The following LRMDA variants were observed in gnomAD, a reference collection of about 807,000 sequenced individuals.
LRMDA encodes leucine rich melanocyte differentiation associated.
LRMDA carries 18 observed loss-of-function variants against 29.8 expected under a neutral mutation model. The ratio of observed to expected loss-of-function variants is 0.60; its 90% CI spans 0.42 to 0.90. LRMDA has a LOEUF of 0.90. Ranked by LOEUF, LRMDA falls within the 40% of genes least tolerant of loss-of-function variation. The pLI, the probability that LRMDA is intolerant of heterozygous loss-of-function variation, is 0.00. For missense variants in LRMDA, 273 were observed against 273.9 expected, an observed-to-expected ratio of 1.00 and a Z score of 0.02; for synonymous variants, 125 against 109.4, an observed-to-expected ratio of 1.14 and a Z score of -0.89.
chr10:75,759,385 T>C (rs1297801468), intron 2 of LRMDA, among the ~76,000 whole-genome samples: 1 of 152,224 alleles, frequency 6.6e-6, no homozygotes, highest in African/African-American at 2.4e-5. Flanking sequence ...ACTTATACTC[T>C]ATAGACCCAT....
intron 2 of LRMDA, among the ~76,000 whole-genome samples, chr10:75,684,072 G>C (rs1445165087): frequency 6.6e-6 from 1 of 152,150 alleles, no homozygotes; most frequent in Non-Finnish European, 1.5e-5. Context: ...AGAAATCAGT[G>C]GATGTTTTGC....
chr10:75,898,446 C>T (rs949961457), intron 2 of LRMDA, among the ~76,000 whole-genome samples: 1 of 152,106 alleles, frequency 6.6e-6, no homozygotes, highest in African/African-American at 2.4e-5. Context: ...TCCTCACCAG[C>T]TCTCTGTCTT....
At chr10:76,134,977 G>C (rs568358434) in intron 5 of LRMDA, among the ~76,000 whole-genome samples, 34 of 152,220 alleles carry the variant, frequency 2.2e-4, no homozygotes, top group African/African-American at 8.2e-4. Context: ...ATATTTCTGC[G>C]GCCTTTGAAA....
chr10:76,291,603 T>C (rs1404269025), intron 5 of LRMDA, among the ~76,000 whole-genome samples: 1 of 152,186 alleles, frequency 6.6e-6, no homozygotes, highest in African/African-American at 2.4e-5. Context: ...AGGTGAACGT[T>C]TGCATACTTA....
intron 6 of LRMDA, among the ~76,000 whole-genome samples, chr10:76,428,348 T>C (rs2132280360): frequency 6.6e-6 from 1 of 152,288 alleles, no homozygotes; most frequent in Middle Eastern, 3.4e-3. Flanking sequence ...AGACTAGGTG[T>C]CCAGACCTTC....
At chr10:75,820,567 A>C (rs1348070011) in intron 2 of LRMDA, among the ~76,000 whole-genome samples, 1 of 152,334 alleles carries the variant, frequency 6.6e-6, no homozygotes, top group East Asian at 1.9e-4. Context: ...AAAGATCTCA[A>C]ATTAACAACC....
chr10:76,034,125 G>C (rs986505777), intron 2 of LRMDA, among the ~76,000 whole-genome samples: 3 of 152,216 alleles, frequency 2.0e-5, no homozygotes, highest in Non-Finnish European at 2.9e-5. Flanking sequence ...AGGAAATAGA[G>C]GAGCGGAGGC....
At chr10:76,004,565 G>A (rs1054960193) in intron 2 of LRMDA, among the ~76,000 whole-genome samples, 7 of 152,150 alleles carry the variant, frequency 4.6e-5, no homozygotes, top group African/African-American at 1.7e-4. Flanking sequence ...CCACAGACTG[G>A]CCACCCCCAG....
chr10:75,608,129 T>TATAC (rs11271217), intron 2 of LRMDA, among the ~76,000 whole-genome samples: 2 of 89,548 alleles, frequency 2.2e-5, no homozygotes, highest in African/African-American at 6.3e-5. Flanking sequence ...TATATATATA[T>TATAC]ACACACACAT....
intron 2 of LRMDA, among the ~76,000 whole-genome samples, chr10:75,959,603 G>T (rs1846727178): frequency 6.6e-6 from 1 of 152,040 alleles, no homozygotes; most frequent in Admixed American, 6.6e-5. Flanking sequence ...ACAATATTGA[G>T]AACTCAGCTA....
chr10:76,377,741 C>T lies in LRMDA; in HGVS notation c.601+53256C>T, dbSNP rs144435147. Among the ~76,000 whole-genome samples, 68 of 152,270 alleles carry T rather than the reference C, an allele frequency of 4.5e-4. 1 individual carries two copies. The East Asian group carries it at 0.012, about 28-fold the overall frequency. On this transcript the variant is annotated intron_variant, in intron 6 of 6. Transcript: ENST00000611255. ...TGTTCTGTTGCATTGATTGATGTGT[C>T]TATTTTTATACCAATATCAGACTGT...
At chr10:75,736,101 T>A (rs1475537632) in intron 2 of LRMDA, among the ~76,000 whole-genome samples, 1 of 152,176 alleles carries the variant, frequency 6.6e-6, no homozygotes, top group Non-Finnish European at 1.5e-5. Flanking sequence ...GCAGAACATT[T>A]GGCACTTTGC....
At chr10:75,527,020 C>T (rs553268993) in intron 2 of LRMDA, among the ~76,000 whole-genome samples, 2 of 152,296 alleles carry the variant, frequency 1.3e-5, no homozygotes, top group East Asian at 3.9e-4. Flanking sequence ...ATGCATTAAG[C>T]ATCACTCCCC....
At chr10:75,485,598 T>A (rs1023805522) in intron 2 of LRMDA, among the ~76,000 whole-genome samples, 4 of 151,528 alleles carry the variant, frequency 2.6e-5, no homozygotes, top group Non-Finnish European at 5.9e-5. Context: ...ATATACATAT[T>A]TTGAGATGGA....
intron 6 of LRMDA, among the ~76,000 whole-genome samples, chr10:76,470,785 G>A (rs766761019): frequency 6.6e-6 from 1 of 151,676 alleles, no homozygotes; most frequent in Non-Finnish European, 1.5e-5. Context: ...AGAAGAGTAG[G>A]CAGTTATAGT....
intron 5 of LRMDA, among the ~76,000 whole-genome samples, chr10:76,137,660 G>A (rs78698810): frequency 0.012 from 1,773 of 151,890 alleles, 16 homozygotes; most frequent in Non-Finnish European, 0.018. Context: ...TTATGCTATA[G>A]CCAGATGTCA....
chr10:75,577,135 C>G (rs1345903734), intron 2 of LRMDA, among the ~76,000 whole-genome samples: 4 of 152,020 alleles, frequency 2.6e-5, no homozygotes, highest in African/African-American at 9.7e-5. Context: ...AAGCTAAGAC[C>G]CTTGAGAAAA....
Position 76,324,455 on chromosome 10 carries a change from T to A in LRMDA, c.571T>A (p.Ser191Thr). 6.2e-7 allele frequency: 1 copy of A among 1,614,114 alleles called. No individual in the cohort carries two copies. Among genetic ancestry groups the A allele is most frequent in the Non-Finnish European group, 8.5e-7 (1 of 1,180,018 alleles). The change falls in exon 6 of 7, where the codon TCT becomes ACT. Residue 191 changes from serine to threonine, a missense_variant. Physicochemically the swap from Ser to Thr is moderately conservative, Grantham distance 58. Transcript: ENST00000611255. ...SPERHYTPLP[S>T]ASRELTSHQG... ...GGAGCGCCACTACACGCCCTTGCCT[T>A]CTGCTTCCAGGGAACTCACCAGTCA...
At chr10:75,894,538 A>G (rs945021371) in intron 2 of LRMDA, among the ~76,000 whole-genome samples, 5 of 152,222 alleles carry the variant, frequency 3.3e-5, no homozygotes, top group East Asian at 1.9e-4. Flanking sequence ...CTCTGGGTAG[A>G]CACCCAATAG....
Sources: gnomAD v4.1 joint callset for allele counts (sites outside exome capture counted in the v4.1 genomes callset) on GRCh38, gnomAD v4.1.1 for gene constraint, MANE v1.5 for transcripts, NCBI Gene and HGNC (gene_info 2026-07-23, HGNC 2026-07-21) for gene names.